The following KATNB1 variants were observed in gnomAD, a reference collection of about 807,000 sequenced individuals.
KATNB1 encodes katanin p80 WD40 repeat-containing subunit B1.
KATNB1 carries 38 observed loss-of-function variants against 82.3 expected under a neutral mutation model. The observed-to-expected ratio is 0.46, with a 90% CI of 0.36 to 0.61. KATNB1 has a LOEUF of 0.61. Among genes scored for constraint, KATNB1 ranks in the 20% least tolerant of loss-of-function variants. The pLI is 0.00. For missense variants in KATNB1, 749 were observed against 915.7 expected (o/e 0.82, Z 2.35); for synonymous variants, 361 against 368.7 (o/e 0.98, Z 0.24).
At chr16:57,744,184 G>A (rs138800863) in intron 3 of KATNB1, among the ~76,000 whole-genome samples, 4 of 152,338 alleles carry the variant, frequency 2.6e-5, no homozygotes, top group Non-Finnish European at 5.9e-5. Flanking sequence ...GGATGATTGG[G>A]GTTTGGCCAC....
At chr16:57,744,741 A>G (rs1040282731) in intron 4 of KATNB1, among the ~76,000 whole-genome samples, 12 of 142,394 alleles carry the variant, frequency 8.4e-5, no homozygotes, top group Non-Finnish European at 1.9e-4. Flanking sequence ...GTGTGTTTGG[A>G]TGTATGTGTG....
chr16:57,752,009 G>A lies in KATNB1; in HGVS notation c.586G>A (p.Glu196Lys), dbSNP rs2049232434. 2 of 1,613,390 alleles carry A rather than the reference G, an allele frequency of 1.2e-6. No individual in the cohort carries two copies. Among genetic ancestry groups the A allele is most frequent in the Non-Finnish European group, 1.7e-6 (2 of 1,179,988 alleles). ...PGHTGPVNVV[E>K]FHPNEYLLAS... ...TCACACGGGGCCTGTCAACGTGGTC[G>A]AGTTTCACCCCAACGAGTACCTCCT... The change falls in exon 8 of 20, where the codon GAG becomes AAG. Residue 196 changes from glutamate to lysine, a missense_variant. Glu to Lys is a moderately conservative substitution (Grantham distance 56). Around this residue, in one of 3 missense-constraint regions of KATNB1, gnomAD observed 247 missense variants for 349.4 expected, o/e 0.71. Transcript: ENST00000379661.
chr16:57,755,352 A>G lies in KATNB1; in HGVS notation c.1424A>G (p.Lys475Arg), dbSNP rs370900595. ...GGTGTCCATCCCACGCAGGCCGTGA[A>G]GATCCCCCAGCAGGCCGAGCTGGTG... ...LKASDFLPAV[K>R]IPQQAELVDE... Residue 475 changes from lysine (K) to arginine (R), a missense_variant, in exon 16 of 20, where the codon AAG becomes AGG. Transcript: ENST00000379661. The G allele has an allele frequency of 3.1e-6, 5 of 1,613,112 alleles. No individual in the cohort carries two copies. Among genetic ancestry groups the G allele is most frequent in the Non-Finnish European group, 4.2e-6 (5 of 1,180,006 alleles).
intron 3 of KATNB1, 133 bp downstream of exon 3, chr16:57,741,950 C>A: frequency 3.7e-6 from 4 of 1,094,402 alleles, no homozygotes; most frequent in South Asian, 1.4e-5. Flanking sequence ...TGGGGCCCAG[C>A]TCAGGGGTGG....
chr16:57,755,707 T>C (rs182802040), intron 16 of KATNB1, 134 bp from the exon 17 acceptor site: 85 of 980,284 alleles, frequency 8.7e-5, no homozygotes, highest in Admixed American at 4.6e-4. Context: ...CTTACACTCA[T>C]TGCGTTAGGT....
At chr16:57,755,788 A>G (rs1248300751) in intron 16 of KATNB1, 53 bp from the exon 17 acceptor site, 3 of 1,518,848 alleles carry the variant, frequency 2.0e-6, no homozygotes, top group South Asian at 2.6e-5. Context: ...TCACCCTCAC[A>G]GGGCCACACT....
intron 5 of KATNB1, 45 bp downstream of exon 5, chr16:57,750,972 C>A: frequency 6.6e-7 from 1 of 1,510,436 alleles, no homozygotes; most frequent in Non-Finnish European, 9.2e-7. Context: ...GGGCCTGTGG[C>A]AGGACCAGCC....
chr16:57,748,587 G>C (rs1306018150), intron 4 of KATNB1, among the ~76,000 whole-genome samples: 2 of 152,084 alleles, frequency 1.3e-5, no homozygotes, highest in Non-Finnish European at 2.9e-5. Context: ...GAGGCGTTGG[G>C]GGTTCCTGTG....
chr16:57,747,349 C>T (rs927687539), intron 4 of KATNB1, among the ~76,000 whole-genome samples: 2 of 152,226 alleles, frequency 1.3e-5, no homozygotes, highest in Non-Finnish European at 1.5e-5. Flanking sequence ...TTCTGGGCCT[C>T]TCCTTGGTTC....
In KATNB1 at chr16:57,741,827, G is replaced by A. The variant is rs370352239; in HGVS notation, c.171+10G>A. The A allele has an allele frequency of 2.3e-5, 37 of 1,611,046 alleles. No homozygotes were observed. In the East Asian group the frequency reaches 4.2e-4, roughly 18 times the overall value. On this transcript the variant is annotated intron_variant, in intron 3 of 19. Transcript: ENST00000379661. ...GCCCAACTGCATCATGGTGAGCCCC[G>A]ACAGCTGGCGGGGGGTCAGGACAAG...
rs1162001580 is a variant in KATNB1, at chr16:57,752,682, C to A, written c.704+81C>A. Reference sequence around the variant, plus strand: ...TGTGGGTGGGCCTTTCCCATCTCCGCTGCTGCGCCCTCCCTGCCCTGGGCC... The same window carrying A: ...TGTGGGTGGGCCTTTCCCATCTCCGATGCTGCGCCCTCCCTGCCCTGGGCC... On this transcript the variant is annotated intron_variant, in intron 9 of 19. Coordinates refer to ENST00000379661, the MANE Select transcript of KATNB1 (RefSeq NM_005886.3). The A allele has an allele frequency of 3.2e-6, 5 of 1,549,862 alleles. No individual in the cohort carries two copies. In the Admixed American group the frequency reaches 9.6e-5, roughly 30 times the overall value.
At chr16:57,743,122 G>C (rs542438848) in intron 3 of KATNB1, among the ~76,000 whole-genome samples, 190 of 152,286 alleles carry the variant, frequency 1.2e-3, no homozygotes, top group Non-Finnish European at 2.2e-3. Context: ...GTGAAATCCT[G>C]TCTCTACTAA....
At position 57,738,516 on chromosome 16, in the gene KATNB1, A is replaced by G. The variant is rs142026634; in HGVS notation, c.40+1233A>G. On this transcript the variant is annotated intron_variant, in intron 2 of 19. Coordinates refer to ENST00000379661, the MANE Select transcript of KATNB1 (RefSeq NM_005886.3). ...GGTGATCCACGTGCCTCAGCCTCCC[A>G]AAGTGCTGGGATGACAGGCATGAGC... Among the ~76,000 whole-genome samples the G allele has an allele frequency of 5.6e-3, 847 of 152,108 alleles. 8 individuals carry two copies. Among genetic ancestry groups the G allele is most frequent in the African/African-American group, 0.019 (781 of 41,472 alleles).
chr16:57,739,504 A>G (rs2049127266), intron 2 of KATNB1, among the ~76,000 whole-genome samples: 1 of 152,116 alleles, frequency 6.6e-6, no homozygotes, highest in African/African-American at 2.4e-5. Context: ...GACACTGAGG[A>G]TTTTTATTTT....
chr16:57,746,025 C>T (rs1053934977), intron 4 of KATNB1, among the ~76,000 whole-genome samples: 14 of 152,122 alleles, frequency 9.2e-5, no homozygotes, highest in African/African-American at 1.9e-4. Context: ...GGTCCCACGC[C>T]GCAACCTTTC....
Position 57,744,607 on chromosome 16 carries a change from C to G in KATNB1, c.289+96C>G, listed in dbSNP as rs1555580824. On this transcript the variant is annotated intron_variant, in intron 4 of 19. Transcript: ENST00000379661. ...TCCTCCAGGAAGCCTGCCTGGACTA[C>G]GTTGGCTGCTTTGCTCCTGGAGCAC... The G allele has an allele frequency of 7.8e-6, 8 of 1,026,836 alleles. No individual in the cohort carries two copies. The African/African-American group carries it at 7.8e-5, about 10-fold the overall frequency. 63.6% of individuals were successfully genotyped at this position (1,026,836 alleles called of 1,614,324 possible).
chr16:57,755,073 G>A (rs547434584), intron 14 of KATNB1, 46 bp from the exon 15 acceptor site: 2 of 1,613,220 alleles, frequency 1.2e-6, no homozygotes, highest in African/African-American at 1.3e-5. Flanking sequence ...TCGGGAGGCA[G>A]AGAGGGAGGC....
intron 4 of KATNB1, among the ~76,000 whole-genome samples, chr16:57,749,574 A>T (rs2049209359): frequency 6.6e-6 from 1 of 152,102 alleles, no homozygotes; most frequent in Admixed American, 6.5e-5. Context: ...CAAAACTAAG[A>T]ATGGCTGGAC....
chr16:57,752,438 G>A (rs1436903981), intron 8 of KATNB1, 92 bp from the exon 9 acceptor site: 1 of 1,172,980 alleles, frequency 8.5e-7, no homozygotes, highest in South Asian at 1.3e-5. Flanking sequence ...TGCCCTGGGG[G>A]AGAGGTTTCT....
Sources: gnomAD v4.1 joint callset for allele counts (sites outside exome capture counted in the v4.1 genomes callset) on GRCh38, gnomAD v4.1.1 for gene constraint, gnomAD v4.1.1 regional missense constraint, MANE v1.5 for transcripts, NCBI Gene and HGNC (gene_info 2026-07-23, HGNC 2026-07-21) for gene names.